RAB7A: variants seen among roughly 807,000 people sequenced by gnomAD.
RAB7A encodes the protein ras-related protein Rab-7a.
A neutral mutation model predicts 24.5 loss-of-function variants in RAB7A; 2 were observed. The observed-to-expected ratio is 0.08, with a 90% CI of 0.03 to 0.26. The LOEUF is 0.26. RAB7A is among the 10% of genes least tolerant of loss of function. The pLI is 1.00. For missense variants in RAB7A, 118 were observed against 255.7 expected (o/e 0.46, Z 3.67); for synonymous variants, 100 against 95.9 (o/e 1.04, Z -0.25).
At chr3:128,729,580 A>G (rs1292707220) in intron 1 of RAB7A, among the ~76,000 whole-genome samples, 1 of 151,992 alleles carries the variant, frequency 6.6e-6, no homozygotes, top group Non-Finnish European at 1.5e-5. Flanking sequence ...AAAAAAAAAA[A>G]AAAAAAAAGT....
intron 5 of RAB7A, among the ~76,000 whole-genome samples, chr3:128,812,470 T>C (rs146254974): frequency 3.9e-4 from 59 of 152,344 alleles, no homozygotes; most frequent in African/African-American, 1.4e-3. Context: ...TTTATAGTTA[T>C]TGTGAATGGA....
At chr3:128,782,842 G>C (rs1933249678) in intron 1 of RAB7A, among the ~76,000 whole-genome samples, 3 of 152,126 alleles carry the variant, frequency 2.0e-5, no homozygotes, top group African/African-American at 7.2e-5. Context: ...ACTTATTGTT[G>C]TTGCTGCTTC....
chr3:128,756,258 G>T (rs376201479), intron 1 of RAB7A, among the ~76,000 whole-genome samples: 2 of 148,404 alleles, frequency 1.3e-5, no homozygotes, highest in African/African-American at 2.6e-5. Context: ...CAGGAGAATC[G>T]CTTGGAGGCA....
chr3:128,765,206 C>T (rs1016873550), intron 1 of RAB7A, among the ~76,000 whole-genome samples: 13 of 152,084 alleles, frequency 8.5e-5, no homozygotes, highest in Non-Finnish European at 1.5e-4. Flanking sequence ...CGACTCTCGG[C>T]GAAGAATGTC....
intron 1 of RAB7A, among the ~76,000 whole-genome samples, chr3:128,751,886 G>A (rs1486205431): frequency 6.6e-6 from 1 of 152,168 alleles, no homozygotes; most frequent in Non-Finnish European, 1.5e-5. Flanking sequence ...TGCTGTTCTC[G>A]AGTTAGGGAA....
intron 1 of RAB7A, among the ~76,000 whole-genome samples, chr3:128,736,251 A>G (rs2107583597): frequency 6.6e-6 from 1 of 152,212 alleles, no homozygotes; most frequent in East Asian, 1.9e-4. Flanking sequence ...AGCATCCAGT[A>G]TTCCAAGTTG....
At chr3:128,798,105 G>T (rs761625966) in intron 3 of RAB7A, 36 bp downstream of exon 3, 1 of 1,610,580 alleles carries the variant, frequency 6.2e-7, no homozygotes, top group Non-Finnish European at 8.5e-7. Flanking sequence ...ACCAGGCCTT[G>T]ATAGTTCATT....
intron 1 of RAB7A, among the ~76,000 whole-genome samples, chr3:128,737,701 A>G (rs1442240063): frequency 6.7e-6 from 1 of 149,896 alleles, no homozygotes; most frequent in Non-Finnish European, 1.5e-5. Context: ...AGGCTACAGT[A>G]CAGTGGTGCC....
intron 3 of RAB7A, among the ~76,000 whole-genome samples, chr3:128,801,970 A>AG (rs1180957530): frequency 6.6e-6 from 1 of 152,206 alleles, no homozygotes; most frequent in Admixed American, 6.5e-5. Flanking sequence ...CCCAGCAGGC[A>AG]GTGGGGTATG....
At chr3:128,760,526 C>G (rs370158014) in intron 1 of RAB7A, among the ~76,000 whole-genome samples, 32 of 152,230 alleles carry the variant, frequency 2.1e-4, no homozygotes, top group African/African-American at 7.7e-4. Flanking sequence ...GAAACACTTC[C>G]TACAATGTAG....
intron 1 of RAB7A, among the ~76,000 whole-genome samples, chr3:128,762,145 A>G (rs1013910856): frequency 6.6e-6 from 1 of 152,242 alleles, no homozygotes; most frequent in African/African-American, 2.4e-5. Flanking sequence ...AATACTTTCT[A>G]TAACTTTGTG....
At chr3:128,732,603 A>G (rs992971716) in intron 1 of RAB7A, among the ~76,000 whole-genome samples, 1 of 152,114 alleles carries the variant, frequency 6.6e-6, no homozygotes, top group Non-Finnish European at 1.5e-5. Flanking sequence ...GTAAGGCAGG[A>G]GGATTGCTTG....
rs1331406026 is a variant in RAB7A at position 128,813,490 on chromosome 3, T to TC, written c.*72dup. 7.2e-7 allele frequency: 1 copy of TC among 1,392,838 alleles called. No homozygotes were observed. The highest frequency in any genetic ancestry group is 2.3e-5 in the East Asian group (1 of 43,746). 86.3% of individuals were successfully genotyped at this position (1,392,838 alleles called of 1,614,324 possible). A position where few individuals can be genotyped will look rare whatever the true frequency, so the allele number is the denominator to read the frequency against. ...AACACACGTAGGCCTTCAACACAAT[T>TC]CCCCTCTCCTCTTCCAAACAAAACA... On this transcript the variant is annotated 3_prime_UTR_variant, in exon 6 of 6. Transcript: ENST00000265062.
intron 1 of RAB7A, among the ~76,000 whole-genome samples, chr3:128,734,670 G>A (rs144044864): frequency 1.1e-3 from 166 of 151,816 alleles, no homozygotes; most frequent in Middle Eastern, 3.4e-3. Context: ...CTCTTTTTTG[G>A]TCAGACACTT....
At chr3:128,773,399 G>T (rs1559789007) in intron 1 of RAB7A, among the ~76,000 whole-genome samples, 3 of 151,888 alleles carry the variant, frequency 2.0e-5, no homozygotes, top group African/African-American at 7.3e-5. Context: ...CCTCTGCCCG[G>T]CAGCCACCCC....
intron 1 of RAB7A, among the ~76,000 whole-genome samples, chr3:128,726,738 C>T (rs1252248825): frequency 6.6e-6 from 1 of 152,122 alleles, no homozygotes; most frequent in Non-Finnish European, 1.5e-5. Flanking sequence ...AGAGCCCACG[C>T]CGCCCGCCGC....
intron 1 of RAB7A, among the ~76,000 whole-genome samples, chr3:128,757,597 G>T (rs1261874064): frequency 1.4e-5 from 2 of 147,758 alleles, no homozygotes; most frequent in Non-Finnish European, 3.0e-5. Flanking sequence ...TCAGCTCACT[G>T]CAACCTCTGC....
intron 3 of RAB7A, among the ~76,000 whole-genome samples, chr3:128,799,659 T>C (rs1439577249): frequency 6.6e-6 from 1 of 152,150 alleles, no homozygotes; most frequent in Non-Finnish European, 1.5e-5. Context: ...CACCTAGAGA[T>C]CTTCAAAATG....
In RAB7A at chr3:128,814,471, G is replaced by A. The variant is rs1338802198; in HGVS notation, c.*1049G>A. 6.6e-6 allele frequency: 1 copy of A among 152,528 alleles called. No homozygotes were observed. The highest frequency in any genetic ancestry group is 6.5e-5 in the Admixed American group (1 of 15,272). 9.4% of individuals were successfully genotyped at this position (152,528 alleles called of 1,614,324 possible). On this transcript the variant is annotated 3_prime_UTR_variant, in exon 6 of 6. Coordinates refer to ENST00000265062, the MANE Select transcript of RAB7A (RefSeq NM_004637.6). ...CCGTTAGATCAGCATTCTACTACAA[G>A]AGTGAAAGGAAAACCCTAACAGATC...
Sources: allele counts gnomAD v4.1 joint callset (sites outside exome capture counted in the v4.1 genomes callset), GRCh38; gene constraint gnomAD v4.1.1; transcripts MANE v1.5; gene names NCBI Gene and HGNC (gene_info 2026-07-23, HGNC 2026-07-21).